WDR11: variants seen among roughly 807,000 people sequenced by gnomAD.
WDR11 encodes WD repeat-containing protein 11.
WDR11 carries 83 observed loss-of-function variants against 151.2 expected under a neutral mutation model. That is an observed-to-expected ratio of 0.55 (90% CI 0.46 to 0.66). WDR11 has a LOEUF of 0.66. WDR11 is among the 30% of genes least tolerant of loss of function. The probability of loss-of-function intolerance (pLI) is 0.00; values close to 1 mark genes in which losing one functional copy is unlikely to be tolerated. For synonymous variants in WDR11, 484 were observed against 533.1 expected (o/e 0.91, Z 1.27); for missense variants, 1,301 against 1,480.9 (o/e 0.88, Z 1.99).
At chr10:120,853,574 A>G (rs1590049161) in intron 2 of WDR11, among the ~76,000 whole-genome samples, 3 of 152,184 alleles carry the variant, frequency 2.0e-5, no homozygotes, top group South Asian at 2.1e-4. Flanking sequence ...AGGAATTTGG[A>G]TTTTTGAGTA....
Position 120,908,545 on chromosome 10 carries a change from C to G in WDR11, c.3518-11C>G. On this transcript the variant is annotated splice_polypyrimidine_tract_variant and intron_variant, in intron 28 of 28. Coordinates refer to ENST00000263461, the MANE Select transcript of WDR11 (RefSeq NM_018117.12). ...CCCTTTTTACTCTTCTTTTCCTTAA[C>G]TATGGTTTACAGAAACTCATCACTG... The G allele has an allele frequency of 6.2e-7, 1 of 1,614,112 alleles. No individual in the cohort carries two copies.
chr10:120,908,451 G>A (rs186284762), intron 28 of WDR11, 105 bp from the exon 29 acceptor site: 42 of 1,251,558 alleles, frequency 3.4e-5, no homozygotes, highest in Middle Eastern at 1.9e-4. Flanking sequence ...GGTCCCTTCC[G>A]AGCAGCCAGC....
chr10:120,879,728 T>TA (rs1261005869), intron 12 of WDR11: 44 of 152,140 alleles, frequency 2.9e-4, no homozygotes, highest in African/African-American at 1.0e-3. Context: ...GGACATGGGC[T>TA]GTTTGGGGTA....
Position 120,851,380 on chromosome 10 carries a change from T to G in WDR11, c.-41T>G. On this transcript the variant is annotated 5_prime_UTR_variant, in exon 1 of 29. Coordinates refer to ENST00000263461, the MANE Select transcript of WDR11 (RefSeq NM_018117.12). ...CGGAAGCACAGTGTCCGCCGCTTCC[T>G]GGTTGCGGGTCAGCGCCCAGGTCCT... 3.2e-6 allele frequency: 5 copies of G among 1,577,348 alleles called. No homozygotes were observed. Among genetic ancestry groups the G allele is most frequent in the Non-Finnish European group, 4.3e-6 (5 of 1,158,012 alleles).
chr10:120,880,752 C>T lies in WDR11; in HGVS notation c.1664-74C>T, dbSNP rs895536041. 3 of 1,279,336 alleles carry T rather than the reference C, an allele frequency of 2.3e-6. No individual in the cohort carries two copies. In the African/African-American group the frequency reaches 4.4e-5, roughly 19 times the overall value. The allele number at this position is 1,279,336 out of a possible 1,614,324, so 79.2% of individuals were successfully genotyped here. A position where few individuals can be genotyped will look rare whatever the true frequency, so the allele number is the denominator to read the frequency against. On this transcript the variant is annotated intron_variant, in intron 12 of 28. Coordinates refer to ENST00000263461, the MANE Select transcript of WDR11 (RefSeq NM_018117.12). ...AGGATGGGTAGGACTGATCAAATTACATTGGCGTGGCTTCTTGTTTTTCAT... is the reference window on the plus strand; with the variant it reads ...AGGATGGGTAGGACTGATCAAATTATATTGGCGTGGCTTCTTGTTTTTCAT...
At chr10:120,908,314 T>C (rs1848148130) in intron 28 of WDR11, 1 of 520,030 alleles carries the variant, frequency 1.9e-6, no homozygotes, top group Non-Finnish European at 3.5e-6. Context: ...AAGGAGAAGC[T>C]TTGGACTCAG....
chr10:120,875,582 A>G (rs929652568), intron 11 of WDR11, among the ~76,000 whole-genome samples: 12 of 151,946 alleles, frequency 7.9e-5, no homozygotes, highest in Non-Finnish European at 1.5e-4. Context: ...TCAGCTCACT[A>G]CAATCTCCGC....
chr10:120,884,753 T>C (rs945819117), intron 14 of WDR11, among the ~76,000 whole-genome samples: 2 of 151,858 alleles, frequency 1.3e-5, no homozygotes, highest in Non-Finnish European at 2.9e-5. Flanking sequence ...AAGTCAACAG[T>C]GAAAAAAAGC....
At chr10:120,902,195 C>A in intron 21 of WDR11, 62 bp from the exon 22 acceptor site, 2 of 1,342,604 alleles carry the variant, frequency 1.5e-6, no homozygotes, top group Non-Finnish European at 2.1e-6. Context: ...ATTGATCAAC[C>A]CCCATGCTTT....
intron 19 of WDR11, among the ~76,000 whole-genome samples, chr10:120,899,061 T>G (rs1261107566): frequency 6.6e-6 from 1 of 151,840 alleles, no homozygotes; most frequent in African/African-American, 2.4e-5. Context: ...TCCGATAGAG[T>G]GTAGGGTGGT....
chr10:120,870,049 A>G (rs981260553), intron 9 of WDR11, among the ~76,000 whole-genome samples: 3 of 152,080 alleles, frequency 2.0e-5, no homozygotes, highest in Admixed American at 1.3e-4. Context: ...CGGCCTCCCA[A>G]AGTTCTGGGA....
chr10:120,901,729 C>T (rs1333515485), intron 21 of WDR11, among the ~76,000 whole-genome samples: 2 of 152,066 alleles, frequency 1.3e-5, no homozygotes, highest in Non-Finnish European at 2.9e-5. Context: ...TTTTTCTATG[C>T]AAAGATTAAC....
In WDR11 at chr10:120,858,791, T is replaced by C. The variant is rs1298866357; in HGVS notation, c.347T>C (p.Ile116Thr). 6.2e-7 allele frequency: 1 copy of C among 1,614,176 alleles called. No homozygotes were observed. Among genetic ancestry groups the C allele is most frequent in the South Asian group, 1.1e-5 (1 of 91,084 alleles). The change falls in exon 3 of 29, where the codon ATC becomes ACC. Residue 116 changes from isoleucine to threonine, a missense_variant. Physicochemically the swap from Ile to Thr is moderately conservative, Grantham distance 89. Coordinates refer to ENST00000263461, the MANE Select transcript of WDR11 (RefSeq NM_018117.12). ...GAGATCCAAGAGCATGCCAAGCCTA[T>C]CCAGGGTGAGGAAAGTCTGCTCAGC... ...QCEIQEHAKPIQDVQWLWNQD... is the reference protein window; with the variant it reads ...QCEIQEHAKPTQDVQWLWNQD...
chr10:120,905,965 T>C lies in WDR11; in HGVS notation c.3381T>C (p.Ala1127=). 6.2e-7 allele frequency: 1 copy of C among 1,614,096 alleles called. No homozygotes were observed. The highest frequency in any genetic ancestry group is 8.5e-7 in the Non-Finnish European group (1 of 1,180,020). The change falls in exon 27 of 29, where the codon GCT becomes GCC. Residue 1127 remains alanine, a synonymous_variant. Transcript: ENST00000263461. ...CSPQVNQKSK[A]LLVLLSLGCF... ...CACAAGTCAATCAGAAATCAAAGGC[T>C]CTCCTGGTTCTCCTCTCTCTGGGCT...
Position 120,851,370 on chromosome 10 carries a change from C to G in WDR11, c.-51C>G. On this transcript the variant is annotated 5_prime_UTR_variant, in exon 1 of 29. Transcript: ENST00000263461. ...CTGTTTGGAACGGAAGCACAGTGTC[C>G]GCCGCTTCCTGGTTGCGGGTCAGCG... 6.5e-7 allele frequency: 1 copy of G among 1,543,496 alleles called. No individual in the cohort carries two copies. The highest frequency in any genetic ancestry group is 1.4e-5 in the African/African-American group (1 of 74,008).
chr10:120,868,777 A>G (rs1365367631), intron 9 of WDR11: 1 of 152,128 alleles, frequency 6.6e-6, no homozygotes, highest in East Asian at 1.9e-4. Context: ...ACCATCATTC[A>G]TCTCTAGGCC....
chr10:120,855,298 A>G (rs1467642475), intron 2 of WDR11, among the ~76,000 whole-genome samples: 1 of 152,174 alleles, frequency 6.6e-6, no homozygotes, highest in Non-Finnish European at 1.5e-5. Context: ...GGGATGATTT[A>G]TGATTAAGGC....
In WDR11 at chr10:120,904,065, G is replaced by C; in HGVS notation, c.2950G>C (p.Val984Leu). The stretch of plus-strand genomic sequence containing the variant: ...ATTCTAGAAATTTCAGCTAGAAAGG[G>C]TTAATCTGCAGGAAGTGAAACGGTC... ...AYFQKFQLER[V>L]NLQEVKRSTY... The change falls in exon 24 of 29, where the codon GTT becomes CTT. Residue 984 changes from valine to leucine, a missense_variant. Val to Leu is a conservative substitution (Grantham distance 32). Transcript: ENST00000263461. The C allele has an allele frequency of 1.9e-6, 3 of 1,612,216 alleles. No homozygotes were observed. Among genetic ancestry groups the C allele is most frequent in the African/African-American group, 2.7e-5 (2 of 74,948 alleles).
At chr10:120,868,198 A>C (rs959982152) in intron 9 of WDR11, among the ~76,000 whole-genome samples, 1 of 152,186 alleles carries the variant, frequency 6.6e-6, no homozygotes, top group Non-Finnish European at 1.5e-5. Context: ...TCACGCCTGT[A>C]ATCCCAACAC....
Sources: gnomAD v4.1 joint callset for allele counts (sites outside exome capture counted in the v4.1 genomes callset) on GRCh38, gnomAD v4.1.1 for gene constraint, MANE v1.5 for transcripts, NCBI Gene and HGNC (gene_info 2026-07-23, HGNC 2026-07-21) for gene names.